The following MTUS2 variants were observed in gnomAD, a reference collection of about 807,000 sequenced individuals.
The protein encoded by MTUS2 is microtubule-associated tumor suppressor candidate 2.
Under a neutral mutation model 114.1 loss-of-function variants are expected in MTUS2, and 40 were observed. That is an observed-to-expected ratio of 0.35 (90% CI 0.27 to 0.46). The LOEUF is 0.46. Among genes scored for constraint, MTUS2 ranks in the 20% least tolerant of loss-of-function variants. The pLI is 1.00. For missense variants in MTUS2, 1,679 were observed against 1,705.4 expected (o/e 0.98, Z 0.27); for synonymous variants, 688 against 672.0 (o/e 1.02, Z -0.37).
At chr13:29,171,293 A>G (rs552613376) in intron 5 of MTUS2, among the ~76,000 whole-genome samples, 2 of 152,330 alleles carry the variant, frequency 1.3e-5, no homozygotes, top group African/African-American at 4.8e-5. Context: ...ATTGCCTGAT[A>G]AATATGGAAC....
In MTUS2 at chr13:29,317,462, C is replaced by G. The variant is rs1242080596; in HGVS notation, c.2807-7151C>G. ...TTTTTTTTTTTTTGAGACGGAGTCTCGCTCTGTCGCCCAGGCCGGACTGCG... is the reference window on the plus strand; with the variant it reads ...TTTTTTTTTTTTTGAGACGGAGTCTGGCTCTGTCGCCCAGGCCGGACTGCG... On this transcript the variant is annotated intron_variant, in intron 6 of 15. Coordinates refer to ENST00000612955, the MANE Select transcript of MTUS2 (RefSeq NM_001033602.4). 2.2e-4 allele frequency among the ~76,000 whole-genome samples: 2 copies of G among 9,160 alleles called. 1 individual carries two copies. Among genetic ancestry groups the G allele is most frequent in the Non-Finnish European group, 5.3e-4 (2 of 3,796 alleles). 6.0% of individuals were successfully genotyped at this position (9,160 alleles called of 152,430 possible).
At chr13:29,101,809 A>G (rs1156658068) in intron 5 of MTUS2, among the ~76,000 whole-genome samples, 1 of 151,890 alleles carries the variant, frequency 6.6e-6, no homozygotes, top group African/African-American at 2.4e-5. Flanking sequence ...AATAATTCGA[A>G]AGAGAGAGAG....
At chr13:29,080,060 TAA>T in intron 4 of MTUS2, among the ~76,000 whole-genome samples, 1 of 152,346 alleles carries the variant, frequency 6.6e-6, no homozygotes, top group East Asian at 1.9e-4. Flanking sequence ...TATGTATTCT[TAA>T]ATTATTTCAA....
At chr13:28,907,404 A>G (rs1880101697) in intron 2 of MTUS2, among the ~76,000 whole-genome samples, 1 of 151,646 alleles carries the variant, frequency 6.6e-6, no homozygotes, top group Non-Finnish European at 1.5e-5. Flanking sequence ...ACATAACAAT[A>G]TTAACTTTAA....
chr13:29,101,396 C>T (rs891029837), intron 5 of MTUS2, among the ~76,000 whole-genome samples: 1 of 152,000 alleles, frequency 6.6e-6, no homozygotes, highest in African/African-American at 2.4e-5. Context: ...GAGCACTTGA[C>T]TGGATTTCTG....
intron 6 of MTUS2, chr13:29,307,190 A>T: frequency 1.9e-6 from 1 of 529,502 alleles, no homozygotes; most frequent in Non-Finnish European, 3.5e-6. Flanking sequence ...GTGACCCATG[A>T]GAATTATGAC....
At chr13:28,975,144 A>G (rs1293100705) in intron 2 of MTUS2, among the ~76,000 whole-genome samples, 1 of 152,234 alleles carries the variant, frequency 6.6e-6, no homozygotes, top group African/African-American at 2.4e-5. Context: ...AGGCAGCCCG[A>G]TTGGATCCAT....
intron 2 of MTUS2, among the ~76,000 whole-genome samples, chr13:28,897,186 G>A (rs534348433): frequency 6.6e-6 from 1 of 152,226 alleles, no homozygotes; most frequent in East Asian, 1.9e-4. Flanking sequence ...AATCTACAAT[G>A]AACTCAAACA....
At chr13:28,923,616 C>T (rs1009762050) in intron 2 of MTUS2, among the ~76,000 whole-genome samples, 3 of 152,216 alleles carry the variant, frequency 2.0e-5, no homozygotes, top group Non-Finnish European at 4.4e-5. Flanking sequence ...AGACTGTCTG[C>T]TGACCATAGA....
At position 29,010,039 on chromosome 13, in the gene MTUS2, C is replaced by A. The variant is rs185205216; in HGVS notation, c.-242-14418C>A. Among the ~76,000 whole-genome samples the A allele has an allele frequency of 6.6e-3, 1,006 of 151,838 alleles. 8 individuals carry two copies. Among genetic ancestry groups the A allele is most frequent in the Non-Finnish European group, 0.011 (716 of 67,880 alleles). ...AGCCTGGCCAATATGGTGAAACCCC[C>A]TCTCTACTAAAAAATACAAAAATTA... On this transcript the variant is annotated intron_variant, in intron 2 of 15. Transcript: ENST00000612955.
intron 8 of MTUS2, among the ~76,000 whole-genome samples, chr13:29,401,009 C>T (rs1874296216): frequency 6.6e-6 from 1 of 152,020 alleles, no homozygotes; most frequent in Non-Finnish European, 1.5e-5. Context: ...TTTTTTTGAG[C>T]TGGAGTCTTG....
chr13:29,500,264 C>T (rs780940049), intron 14 of MTUS2, among the ~76,000 whole-genome samples: 5 of 152,178 alleles, frequency 3.3e-5, no homozygotes, highest in East Asian at 1.9e-4. Context: ...TGCTAAAGAG[C>T]GGGGACAGAG....
At chr13:28,955,444 C>T (rs1286808459) in intron 2 of MTUS2, among the ~76,000 whole-genome samples, 1 of 152,150 alleles carries the variant, frequency 6.6e-6, no homozygotes. Context: ...AATGTGGTGG[C>T]CCACTTAGGT....
intron 4 of MTUS2, among the ~76,000 whole-genome samples, chr13:29,086,298 A>G (rs1416793211): frequency 6.6e-6 from 1 of 151,928 alleles, no homozygotes; most frequent in Non-Finnish European, 1.5e-5. Context: ...TTACTTATTT[A>G]TTTCTTCTTT....
chr13:29,391,028 T>C (rs111743974), intron 8 of MTUS2, among the ~76,000 whole-genome samples: 5,861 of 151,940 alleles, frequency 0.039, 400 homozygotes, highest in African/African-American at 0.13. Context: ...ACACCTGCCT[T>C]GGCCTCCCAA....
At chr13:29,287,822 A>G (rs1898552709) in intron 6 of MTUS2, among the ~76,000 whole-genome samples, 1 of 152,134 alleles carries the variant, frequency 6.6e-6, no homozygotes. Flanking sequence ...ATGTTGTGGG[A>G]TAGGATGTTC....
chr13:29,090,302 G>C (rs1889880727), intron 4 of MTUS2, among the ~76,000 whole-genome samples: 1 of 152,264 alleles, frequency 6.6e-6, no homozygotes, highest in Non-Finnish European at 1.5e-5. Context: ...CTCCTGTGCT[G>C]GAAGAGCCGA....
At chr13:28,970,504 G>A (rs779739975) in intron 2 of MTUS2, among the ~76,000 whole-genome samples, 28 of 152,198 alleles carry the variant, frequency 1.8e-4, no homozygotes, top group African/African-American at 4.3e-4. Context: ...TTACAACAGG[G>A]ACTGTGTGGC....
chr13:29,147,535 C>G (rs1892488097), intron 5 of MTUS2, among the ~76,000 whole-genome samples: 1 of 152,118 alleles, frequency 6.6e-6, no homozygotes, highest in Admixed American at 6.5e-5. Flanking sequence ...ATCTTGTCCC[C>G]TAGGTACTAA....
Sources: gnomAD v4.1 joint callset for allele counts (sites outside exome capture counted in the v4.1 genomes callset) on GRCh38, gnomAD v4.1.1 for gene constraint, MANE v1.5 for transcripts, NCBI Gene and HGNC (gene_info 2026-07-23, HGNC 2026-07-21) for gene names.